The following CKAP5 variants were observed in gnomAD, a reference collection of about 807,000 sequenced individuals.
CKAP5 encodes the protein cytoskeleton-associated protein 5.
A neutral mutation model predicts 232.8 loss-of-function variants in CKAP5; 27 were observed. The observed-to-expected ratio is 0.12, with a 90% CI of 0.09 to 0.16. CKAP5 has a LOEUF of 0.16. CKAP5 is among the 10% of genes least tolerant of loss of function. CKAP5 has a pLI of 1.00. For missense variants in CKAP5, 1,838 were observed against 2,424.7 expected, an observed-to-expected ratio of 0.76 and a Z score of 5.08; for synonymous variants, 785 against 841.1, an observed-to-expected ratio of 0.93 and a Z score of 1.16.
intron 38 of CKAP5, among the ~76,000 whole-genome samples, chr11:46,752,113 C>A (rs2065068832): frequency 7.1e-6 from 1 of 141,844 alleles, no homozygotes; most frequent in Admixed American, 7.4e-5. Context: ...CTGTTTAGGC[C>A]TGAACTTAGA....
chr11:46,807,965 G>T, intron 8 of CKAP5, 66 bp downstream of exon 8: 1 of 1,088,366 alleles, frequency 9.2e-7, no homozygotes, highest in Non-Finnish European at 1.4e-6. Flanking sequence ...TTAAAAAGAT[G>T]ACTGATGAGA....
chr11:46,817,437 A>C (rs574968063), intron 3 of CKAP5, among the ~76,000 whole-genome samples: 115 of 152,334 alleles, frequency 7.5e-4, no homozygotes, highest in African/African-American at 2.7e-3. Context: ...AAATGAAATG[A>C]AACCTACACT....
At chr11:46,799,605 T>C (rs1938979200) in intron 9 of CKAP5, among the ~76,000 whole-genome samples, 1 of 152,088 alleles carries the variant, frequency 6.6e-6, no homozygotes, top group Non-Finnish European at 1.5e-5. Flanking sequence ...TACAGAGCAA[T>C]AGAGACATTC....
At chr11:46,800,981 C>A (rs1321252364) in intron 9 of CKAP5, among the ~76,000 whole-genome samples, 2 of 151,600 alleles carry the variant, frequency 1.3e-5, no homozygotes, top group African/African-American at 2.4e-5. Flanking sequence ...AGGCCTAGTG[C>A]CTGACTTTCT....
intron 30 of CKAP5, 77 bp downstream of exon 30, chr11:46,762,899 G>A (rs2065167770): frequency 2.0e-6 from 3 of 1,469,582 alleles, no homozygotes; most frequent in Non-Finnish European, 2.8e-6. Flanking sequence ...AGTAAAAAAG[G>A]GAGAGGAAAT....
intron 40 of CKAP5, 26 bp from the exon 41 acceptor site, chr11:46,750,637 A>T (rs1224719479): frequency 1.3e-6 from 2 of 1,568,642 alleles, no homozygotes; most frequent in Non-Finnish European, 1.7e-6. Flanking sequence ...ACATAGGAAG[A>T]ATTGGTTAGA....
intron 28 of CKAP5, 35 bp downstream of exon 28, chr11:46,765,096 C>A: frequency 6.3e-7 from 1 of 1,586,982 alleles, no homozygotes; most frequent in South Asian, 1.2e-5. Context: ...ACAATACAAG[C>A]AAAAATCTCC....
Position 46,762,030 on chromosome 11 carries a change from A to G in CKAP5, c.4191T>C (p.His1397=), listed in dbSNP as rs1331575207. The change falls in exon 32 of 44, where the codon CAT becomes CAC. Residue 1397 remains histidine, a synonymous_variant. Coordinates refer to ENST00000529230, the MANE Select transcript of CKAP5 (RefSeq NM_001008938.4). ...LNTIVTVYNV[H]GDQVFKLIGN... is the part of the protein sequence containing the mutation. ...CAATCAGTTTGAACACCTGATCCCCATGTACATTGTACACCGTTACAATGG... is the reference window on the plus strand; with the variant it reads ...CAATCAGTTTGAACACCTGATCCCCGTGTACATTGTACACCGTTACAATGG... 4 of 1,614,022 alleles carry G rather than the reference A, an allele frequency of 2.5e-6. No individual in the cohort carries two copies. The highest frequency in any genetic ancestry group is 1.3e-5 in the African/African-American group (1 of 75,062).
intron 1 of CKAP5, among the ~76,000 whole-genome samples, chr11:46,842,870 G>A (rs1446697798): frequency 6.6e-6 from 1 of 151,252 alleles, no homozygotes; most frequent in Non-Finnish European, 1.5e-5. Context: ...GGGAGGCTGA[G>A]GCAGGAGAAT....
rs1335583829 is a variant in CKAP5, at chr11:46,776,258, T to C, written c.2988A>G (p.Gln996=). 3.7e-6 allele frequency: 6 copies of C among 1,613,564 alleles called. No homozygotes were observed. The African/African-American group carries it at 5.3e-5, about 14-fold the overall frequency. ...ATGATTAATTTATGATACTAACCTC[T>C]TGCCTCAAGAAAGGATTTTCCTTTT... The part of the protein sequence containing the change: ...ELKKENPFLR[Q]ELLGWLAEKL... The change falls in exon 24 of 44, where the codon CAA becomes CAG. Residue 996 remains glutamine, a synonymous_variant. Coordinates refer to ENST00000529230, the MANE Select transcript of CKAP5 (RefSeq NM_001008938.4).
At chr11:46,808,005 C>A in intron 8 of CKAP5, 26 bp downstream of exon 8, 3 of 1,511,632 alleles carry the variant, frequency 2.0e-6, no homozygotes, top group Middle Eastern at 1.7e-4. Flanking sequence ...TGTTACAATA[C>A]CAGTACTGCA....
intron 20 of CKAP5, among the ~76,000 whole-genome samples, chr11:46,779,360 T>C (rs1204475205): frequency 6.6e-6 from 1 of 152,210 alleles, no homozygotes; most frequent in East Asian, 1.9e-4. Flanking sequence ...CTCAAACTCC[T>C]GACCTCAAGT....
intron 26 of CKAP5, among the ~76,000 whole-genome samples, chr11:46,769,026 TCTC>T (rs1194596669): frequency 2.7e-5 from 4 of 150,442 alleles, no homozygotes; most frequent in African/African-American, 9.8e-5. Context: ...TTCAAGCAAT[TCTC>T]CTGCCTCAGC....
Position 46,751,408 on chromosome 11 carries a change from C to T in CKAP5, c.5260G>A (p.Glu1754Lys). Residue 1754 changes from glutamate to lysine, a missense_variant, in exon 39 of 44, where the codon GAA becomes AAA. Physicochemically the swap from Glu to Lys is moderately conservative, Grantham distance 56. Transcript: ENST00000529230. ...PKEKLKQCKSEFPIRTLKTLL... is the reference protein window; with the variant it reads ...PKEKLKQCKSKFPIRTLKTLL... ...GTCTTTAGGGTCCTTATGGGAAATT[C>T]ACTTTTGCATTGCTTCAGTTTCTCT... is the stretch of plus-strand genomic sequence containing the variant. The T allele has an allele frequency of 6.2e-7, 1 of 1,614,056 alleles. No homozygotes were observed. Among genetic ancestry groups the T allele is most frequent in the Non-Finnish European group, 8.5e-7 (1 of 1,180,004 alleles).
chr11:46,818,253 C>A (rs1207418667), intron 3 of CKAP5, 57 bp downstream of exon 3: 2 of 1,344,810 alleles, frequency 1.5e-6, no homozygotes, highest in Non-Finnish European at 2.0e-6. Context: ...TACAAACATA[C>A]ATTATGTAAC....
chr11:46,832,268 T>G (rs1220939197), intron 1 of CKAP5, among the ~76,000 whole-genome samples: 1 of 152,234 alleles, frequency 6.6e-6, no homozygotes, highest in Non-Finnish European at 1.5e-5. Context: ...AATCACTCAG[T>G]AATATTATTT....
chr11:46,754,271 A>G (rs2065094108), intron 36 of CKAP5, among the ~76,000 whole-genome samples: 1 of 152,204 alleles, frequency 6.6e-6, no homozygotes, highest in African/African-American at 2.4e-5. Flanking sequence ...TGCTGAGATT[A>G]TAGGTGTGAG....
intron 9 of CKAP5, among the ~76,000 whole-genome samples, chr11:46,798,678 C>T (rs1938953589): frequency 6.6e-6 from 1 of 151,528 alleles, no homozygotes; most frequent in Non-Finnish European, 1.5e-5. Flanking sequence ...TTAGTGGTTG[C>T]TAGAGTCAAG....
intron 1 of CKAP5, among the ~76,000 whole-genome samples, chr11:46,826,024 T>C (rs530514427): frequency 6.6e-6 from 1 of 152,304 alleles, no homozygotes; most frequent in Non-Finnish European, 1.5e-5. Context: ...ACAAGTGTTA[T>C]CCTCTTGCCG....
Sources: allele counts gnomAD v4.1 joint callset (sites outside exome capture counted in the v4.1 genomes callset), GRCh38; gene constraint gnomAD v4.1.1; transcripts MANE v1.5; gene names NCBI Gene and HGNC (gene_info 2026-07-23, HGNC 2026-07-21).